The following RORA variants were observed in gnomAD, a reference collection of about 807,000 sequenced individuals.
RORA encodes the protein nuclear receptor ROR-alpha.
RORA carries 7 observed loss-of-function variants against 69.5 expected under a neutral mutation model. That is an observed-to-expected ratio of 0.10 (90% confidence interval 0.06 to 0.19). The LOEUF (loss-of-function observed/expected upper bound fraction) is 0.19. Ranked by LOEUF, RORA falls within the 10% of genes least tolerant of loss-of-function variation. RORA has a pLI of 1.00. For missense variants in RORA, 457 were observed against 663.0 expected (o/e 0.69, Z 3.41); for synonymous variants, 261 against 240.8 (o/e 1.08, Z -0.78).
intron 1 of RORA, among the ~76,000 whole-genome samples, chr15:61,111,508 G>A (rs2079006079): frequency 6.6e-6 from 1 of 152,140 alleles, no homozygotes; most frequent in East Asian, 1.9e-4. Flanking sequence ...AACTGTTCAA[G>A]TTTATATACA....
chr15:60,592,758 GC>G, intron 2 of RORA: 1 of 1,015,694 alleles, frequency 9.8e-7, no homozygotes, highest in African/African-American at 1.8e-5. Context: ...GCCCTCCCGC[GC>G]CCCGGGCCCT....
intron 1 of RORA, among the ~76,000 whole-genome samples, chr15:60,985,875 C>A (rs1894188289): frequency 6.6e-6 from 1 of 152,102 alleles, no homozygotes; most frequent in Non-Finnish European, 1.5e-5. Context: ...CCAACGCGCC[C>A]AGCCGACATG....
intron 1 of RORA, among the ~76,000 whole-genome samples, chr15:61,162,063 ATTG>A (rs1324302910): frequency 1.3e-5 from 2 of 152,214 alleles, no homozygotes; most frequent in Non-Finnish European, 2.9e-5. Context: ...TGAATATTTT[ATTG>A]TTATTGTTTT....
chr15:61,121,161 A>G (rs1347445265), intron 1 of RORA, among the ~76,000 whole-genome samples: 1 of 152,086 alleles, frequency 6.6e-6, no homozygotes, highest in Non-Finnish European at 1.5e-5. Context: ...ATTAAGCCTT[A>G]CTTCTGATCC....
intron 2 of RORA, among the ~76,000 whole-genome samples, chr15:60,553,539 C>T (rs1192374071): frequency 6.6e-6 from 1 of 152,158 alleles, no homozygotes; most frequent in Non-Finnish European, 1.5e-5. Flanking sequence ...CTGCAACTAA[C>T]TGGTGAGAAG....
intron 1 of RORA, among the ~76,000 whole-genome samples, chr15:60,691,421 T>C (rs1395466971): frequency 6.6e-6 from 1 of 152,208 alleles, no homozygotes; most frequent in Non-Finnish European, 1.5e-5. Flanking sequence ...GCCTGGCATA[T>C]AGATACTCAC....
chr15:61,092,936 G>C (rs1032060804), intron 1 of RORA, among the ~76,000 whole-genome samples: 9 of 152,198 alleles, frequency 5.9e-5, no homozygotes, highest in Non-Finnish European at 1.2e-4. Flanking sequence ...CAGGGTGACA[G>C]AGTAGGTGAA....
chr15:61,125,394 G>T (rs1369880230), intron 1 of RORA, among the ~76,000 whole-genome samples: 1 of 152,126 alleles, frequency 6.6e-6, no homozygotes, highest in African/African-American at 2.4e-5. Context: ...TTTCTTTATT[G>T]ATACTATTAG....
At position 60,823,131 on chromosome 15, in the gene RORA, TTTC is replaced by T. The variant is rs2072915816; in HGVS notation, c.167-144448_167-144446del. On this transcript the variant is annotated intron_variant, in intron 1 of 10. Coordinates refer to ENST00000335670, the MANE Select transcript of RORA (RefSeq NM_134261.3). ...CTCTTTCTCTCTCTCTCTCTCTCTCTTTCTTTTTTTCTCCCTTCCTTTCTTTCA... is the reference window on the plus strand; with the variant it reads ...CTCTTTCTCTCTCTCTCTCTCTCTCTTTTTTTTCTCCCTTCCTTTCTTTCA... Among the ~76,000 whole-genome samples, 4 of 71,036 alleles carry T rather than the reference TTTC, an allele frequency of 5.6e-5. No individual in the cohort carries two copies. The South Asian group carries it at 1.4e-3, about 26-fold the overall frequency. The allele number at this position is 71,036 out of a possible 152,430, so 46.6% of individuals were successfully genotyped here. A position where few individuals can be genotyped will look rare whatever the true frequency, so the allele number is the denominator to read the frequency against.
chr15:60,769,560 T>C (rs1004855354), intron 1 of RORA, among the ~76,000 whole-genome samples: 2 of 152,208 alleles, frequency 1.3e-5, no homozygotes, highest in African/African-American at 2.4e-5. Flanking sequence ...AATGTTCTAG[T>C]CACCAGGTAG....
chr15:60,904,954 C>T (rs1463462399), intron 1 of RORA, among the ~76,000 whole-genome samples: 1 of 152,118 alleles, frequency 6.6e-6, no homozygotes, highest in African/African-American at 2.4e-5. Context: ...AATTCCAAAA[C>T]ACATATAAAA....
chr15:60,885,259 C>G (rs1017448265), intron 1 of RORA, among the ~76,000 whole-genome samples: 2 of 152,234 alleles, frequency 1.3e-5, no homozygotes, highest in African/African-American at 2.4e-5. Context: ...TGATCTTCCA[C>G]ATGAGAAGTC....
In RORA at chr15:61,115,131, C is replaced by T. The variant is rs186971314; in HGVS notation, c.166+113922G>A. ...GAGGACTGCAGGGATCCAGCACCCA[C>T]GGGTTTAGAGTCTTGGGTCTGGTCC... On this transcript the variant is annotated intron_variant, in intron 1 of 10. Coordinates refer to ENST00000335670, the MANE Select transcript of RORA (RefSeq NM_134261.3). Among the ~76,000 whole-genome samples the T allele has an allele frequency of 1.3e-3, 197 of 152,260 alleles. 1 individual carries two copies. Among genetic ancestry groups the T allele is most frequent in the Admixed American group, 5.9e-3 (91 of 15,304 alleles).
chr15:60,976,158 G>T (rs78992659), intron 1 of RORA, among the ~76,000 whole-genome samples: 3 of 152,158 alleles, frequency 2.0e-5, no homozygotes, highest in Non-Finnish European at 4.4e-5. Flanking sequence ...CCGTGGCTCG[G>T]AGTGCGTGGG....
At chr15:60,852,910 T>C (rs751903272) in intron 1 of RORA, among the ~76,000 whole-genome samples, 1 of 152,108 alleles carries the variant, frequency 6.6e-6, no homozygotes, top group African/African-American at 2.4e-5. Flanking sequence ...AAAATGAATA[T>C]GAGAAGGAAA....
chr15:60,756,866 T>G (rs1398979099), intron 1 of RORA, among the ~76,000 whole-genome samples: 1 of 152,214 alleles, frequency 6.6e-6, no homozygotes. Flanking sequence ...GTATGTTTCA[T>G]AAATGGTCAT....
chr15:60,776,011 T>G (rs562582459), intron 1 of RORA, among the ~76,000 whole-genome samples: 1 of 152,228 alleles, frequency 6.6e-6, no homozygotes, highest in Non-Finnish European at 1.5e-5. Context: ...AATAACTGTG[T>G]GTGAACTAGT....
At chr15:60,500,925 G>C (rs200994951) in intron 9 of RORA, 34 bp downstream of exon 9, 2 of 1,275,828 alleles carry the variant, frequency 1.6e-6, no homozygotes, top group South Asian at 1.3e-5. Context: ...TAGACAATTC[G>C]AAAACCATTT....
At chr15:61,051,507 G>A (rs940241804) in intron 1 of RORA, among the ~76,000 whole-genome samples, 1 of 152,114 alleles carries the variant, frequency 6.6e-6, no homozygotes, top group African/African-American at 2.4e-5. Context: ...GATCCCCTGC[G>A]AAAAGAATCC....
Sources: allele counts gnomAD v4.1 joint callset (sites outside exome capture counted in the v4.1 genomes callset), GRCh38; gene constraint gnomAD v4.1.1; transcripts MANE v1.5; gene names NCBI Gene and HGNC (gene_info 2026-07-23, HGNC 2026-07-21).